The following HMGB1 variants were observed in gnomAD, a reference collection of about 807,000 sequenced individuals.
The protein encoded by HMGB1 is high mobility group protein B1.
For missense variants in HMGB1, 79 were observed against 253.5 expected, an observed-to-expected ratio of 0.31 and a Z score of 4.67; for synonymous variants, 81 against 84.0, an observed-to-expected ratio of 0.96 and a Z score of 0.19.
intron 1 of HMGB1, among the ~76,000 whole-genome samples, chr13:30,598,322 G>A (rs990724561): frequency 6.6e-6 from 1 of 152,192 alleles, no homozygotes; most frequent in Non-Finnish European, 1.5e-5. Flanking sequence ...GTAGGGCAAG[G>A]GCCAGAGACT....
intron 1 of HMGB1, among the ~76,000 whole-genome samples, chr13:30,613,093 G>A (rs1950528001): frequency 6.6e-6 from 1 of 152,218 alleles, no homozygotes; most frequent in South Asian, 2.1e-4. Flanking sequence ...TTGCTGTTTT[G>A]TTTTTCTGAC....
intron 1 of HMGB1, 25 bp downstream of exon 1, chr13:30,465,771 C>CG: frequency 8.1e-6 from 8 of 984,988 alleles, no homozygotes; most frequent in Non-Finnish European, 9.6e-6. Context: ...GCGCTCTCCC[C>CG]GCCGCGGCGC....
intron 1 of HMGB1, among the ~76,000 whole-genome samples, chr13:30,549,936 G>C (rs4769846): frequency 0.6 from 91,578 of 151,656 alleles, 27,972 homozygotes; most frequent in Middle Eastern, 0.76. Flanking sequence ...AGGCTGGTCT[G>C]GAACTCCTGA....
intron 1 of HMGB1, chr13:30,464,452 G>C (rs1490544234): frequency 1.0e-6 from 1 of 985,274 alleles, no homozygotes. Context: ...GAAAGTTGGG[G>C]TGACTCCTGC....
At chr13:30,579,268 T>C (rs1003699950) in intron 1 of HMGB1, among the ~76,000 whole-genome samples, 2 of 152,336 alleles carry the variant, frequency 1.3e-5, no homozygotes, top group Middle Eastern at 3.4e-3. Flanking sequence ...TCATCACTTT[T>C]CACGCTATAG....
chr13:30,602,184 G>A (rs569315458), intron 1 of HMGB1, among the ~76,000 whole-genome samples: 2 of 151,220 alleles, frequency 1.3e-5, no homozygotes, highest in Non-Finnish European at 1.5e-5. Context: ...CCAGCACCAC[G>A]GCCTCAGACA....
At chr13:30,570,944 A>G (rs2137533723) in intron 1 of HMGB1, among the ~76,000 whole-genome samples, 1 of 152,352 alleles carries the variant, frequency 6.6e-6, no homozygotes, top group African/African-American at 2.4e-5. Flanking sequence ...TTTCACTTTC[A>G]TATTCTTGTA....
chr13:30,484,306 C>A (rs1187833210), intron 1 of HMGB1, among the ~76,000 whole-genome samples: 1 of 152,156 alleles, frequency 6.6e-6, no homozygotes, highest in Non-Finnish European at 1.5e-5. Flanking sequence ...CAGCATCTAA[C>A]CTCCAGGAGC....
chr13:30,556,055 A>G (rs919462336), intron 1 of HMGB1, among the ~76,000 whole-genome samples: 7 of 152,210 alleles, frequency 4.6e-5, no homozygotes, highest in Admixed American at 1.3e-4. Flanking sequence ...AGCTGCTGCC[A>G]CAATTGTCAA....
chr13:30,527,079 C>T (rs993980322), intron 1 of HMGB1, among the ~76,000 whole-genome samples: 20 of 152,224 alleles, frequency 1.3e-4, no homozygotes, highest in African/African-American at 4.1e-4. Context: ...GGTCATTCCC[C>T]GCTAGAGGCT....
chr13:30,465,545 G>A (rs1374401540), intron 1 of HMGB1, among the ~76,000 whole-genome samples: 1 of 151,304 alleles, frequency 6.6e-6, no homozygotes, highest in Non-Finnish European at 1.5e-5. Context: ...GACGCCGCCG[G>A]GGGTGGAAAC....
chr13:30,561,816 G>A lies in HMGB1; in HGVS notation c.-15+54855C>T, dbSNP rs142132197. On this transcript the variant is annotated intron_variant, in intron 1 of 4. Coordinates refer to the HMGB1 transcript ENST00000405805. ...AGACCTGGAAGACAGAAGACAAAGCGGATCATCAAGATAGTGGAATTTACT... is the reference window on the plus strand; with the variant it reads ...AGACCTGGAAGACAGAAGACAAAGCAGATCATCAAGATAGTGGAATTTACT... 6.6e-5 allele frequency among the ~76,000 whole-genome samples: 10 copies of A among 152,222 alleles called. No individual in the cohort carries two copies. In the East Asian group the frequency reaches 1.5e-3, roughly 23 times the overall value.
intron 1 of HMGB1, among the ~76,000 whole-genome samples, chr13:30,477,780 G>A (rs1391727700): frequency 6.6e-6 from 1 of 152,190 alleles, no homozygotes; most frequent in Non-Finnish European, 1.5e-5. Flanking sequence ...AAATGCAGAA[G>A]TCCCTCTGCC....
chr13:30,463,502 C>T (rs760890153), intron 2 of HMGB1, 29 bp downstream of exon 2: 60 of 1,593,708 alleles, frequency 3.8e-5, no homozygotes, highest in African/African-American at 9.5e-5. Context: ...CTTTTAATTA[C>T]CTTGTTAGCA....
chr13:30,498,667 A>G (rs1283196970), intron 1 of HMGB1, among the ~76,000 whole-genome samples: 1 of 133,636 alleles, frequency 7.5e-6, no homozygotes, highest in Non-Finnish European at 1.6e-5. Flanking sequence ...ATTATTATTA[A>G]GACGAAGTCT....
At chr13:30,577,706 C>T (rs1430499685) in intron 1 of HMGB1, among the ~76,000 whole-genome samples, 1 of 152,226 alleles carries the variant, frequency 6.6e-6, no homozygotes, top group East Asian at 1.9e-4. Flanking sequence ...AGTAACCTCC[C>T]TGTGAAATGA....
intron 1 of HMGB1, among the ~76,000 whole-genome samples, chr13:30,486,365 T>G (rs1048442176): frequency 6.6e-6 from 1 of 152,192 alleles, no homozygotes; most frequent in African/African-American, 2.4e-5. Context: ...TTCTAGCCAC[T>G]CTAGGAATGC....
intron 1 of HMGB1, among the ~76,000 whole-genome samples, chr13:30,552,242 C>T (rs1287572207): frequency 6.6e-6 from 1 of 152,114 alleles, no homozygotes; most frequent in Non-Finnish European, 1.5e-5. Context: ...TTCCCCATCC[C>T]CAAATATTTA....
At chr13:30,550,107 G>A (rs948343248) in intron 1 of HMGB1, among the ~76,000 whole-genome samples, 1 of 148,734 alleles carries the variant, frequency 6.7e-6, no homozygotes, top group African/African-American at 2.6e-5. Context: ...ATGTGTATGT[G>A]TGTGTACTAG....
Sources: allele counts gnomAD v4.1 joint callset (sites outside exome capture counted in the v4.1 genomes callset), GRCh38; gene constraint gnomAD v4.1.1; transcripts MANE v1.5; gene names NCBI Gene and HGNC (gene_info 2026-07-23, HGNC 2026-07-21).